MSI2: variants seen among roughly 807,000 people sequenced by gnomAD.
MSI2 encodes musashi RNA binding protein 2.
In MSI2, 17 loss-of-function variants were observed where a neutral mutation model predicts 45.6. The observed-to-expected ratio is 0.37, with a 90% CI of 0.26 to 0.56. The LOEUF is 0.56. MSI2 is among the 20% of genes least tolerant of loss of function. The pLI is 0.77. For missense variants in MSI2, 293 were observed against 444.2 expected (o/e 0.66, Z 3.06); for synonymous variants, 156 against 158.2 (o/e 0.99, Z 0.11).
At chr17:57,346,351 G>GC (rs1206602827) in intron 5 of MSI2, among the ~76,000 whole-genome samples, 4 of 145,032 alleles carry the variant, frequency 2.8e-5, no homozygotes, top group East Asian at 2.1e-4. Context: ...CACATTTTGG[G>GC]GGGGGGGGTC....
At chr17:57,491,249 G>T (rs1031325156) in intron 6 of MSI2, among the ~76,000 whole-genome samples, 2 of 152,196 alleles carry the variant, frequency 1.3e-5, no homozygotes. Flanking sequence ...CTCTGAGAGC[G>T]CAGTCAGGCA....
At chr17:57,519,461 T>A (rs2086539383) in intron 6 of MSI2, among the ~76,000 whole-genome samples, 1 of 152,290 alleles carries the variant, frequency 6.6e-6, no homozygotes, top group South Asian at 2.1e-4. Flanking sequence ...GAGCCTGGAC[T>A]GCGTTCCAGA....
At chr17:57,414,986 T>A (rs1413701807) in intron 6 of MSI2, among the ~76,000 whole-genome samples, 1 of 152,196 alleles carries the variant, frequency 6.6e-6, no homozygotes, top group African/African-American at 2.4e-5. Context: ...CTGTTTCATC[T>A]TCTCTCCTTC....
At chr17:57,484,338 A>G (rs2085709891) in intron 6 of MSI2, among the ~76,000 whole-genome samples, 1 of 152,120 alleles carries the variant, frequency 6.6e-6, no homozygotes, top group African/African-American at 2.4e-5. Context: ...CCTTCGGGGG[A>G]AATGCCAAGC....
At chr17:57,656,223 G>A (rs937283424) in intron 11 of MSI2, among the ~76,000 whole-genome samples, 12 of 152,020 alleles carry the variant, frequency 7.9e-5, no homozygotes, top group South Asian at 2.1e-4. Flanking sequence ...CACACTCCCC[G>A]TTCCCCCAGT....
At chr17:57,441,808 C>G (rs1047216396) in intron 6 of MSI2, among the ~76,000 whole-genome samples, 1 of 152,188 alleles carries the variant, frequency 6.6e-6, no homozygotes, top group African/African-American at 2.4e-5. Flanking sequence ...GCCTGGCACA[C>G]AGTAGGTGTG....
intron 10 of MSI2, among the ~76,000 whole-genome samples, 172 bp from the exon 11 acceptor site, chr17:57,651,927 G>A (rs1157162256): frequency 2.6e-5 from 4 of 152,186 alleles, no homozygotes; most frequent in Non-Finnish European, 4.4e-5. Context: ...TGTGCCTTCC[G>A]GAAGCCTGAC....
intron 4 of MSI2, among the ~76,000 whole-genome samples, chr17:57,258,947 A>ATT (rs34754540): frequency 4.4e-4 from 67 of 151,176 alleles, no homozygotes; most frequent in African/African-American, 1.6e-3. Context: ...TTTCAAAGTG[A>ATT]TTTTTTTTTC....
intron 7 of MSI2, among the ~76,000 whole-genome samples, chr17:57,550,176 G>C (rs1466016617): frequency 6.6e-6 from 1 of 152,190 alleles, no homozygotes; most frequent in Non-Finnish European, 1.5e-5. Flanking sequence ...AGTGCTATCA[G>C]TGCATGGGAG....
intron 12 of MSI2, among the ~76,000 whole-genome samples, chr17:57,675,560 C>T (rs530061884): frequency 1.3e-5 from 2 of 152,332 alleles, no homozygotes; most frequent in African/African-American, 2.4e-5. Context: ...TTTCTGGACA[C>T]TGTCATGTGG....
intron 6 of MSI2, among the ~76,000 whole-genome samples, chr17:57,444,304 G>T (rs1478604137): frequency 6.6e-6 from 1 of 151,902 alleles, no homozygotes; most frequent in Admixed American, 6.6e-5. Flanking sequence ...CACAGCACGG[G>T]CCAGGCACAG....
At chr17:57,663,433 GA>G (rs1447920821) in intron 11 of MSI2, among the ~76,000 whole-genome samples, 3 of 152,322 alleles carry the variant, frequency 2.0e-5, no homozygotes, top group Non-Finnish European at 2.9e-5. Context: ...GTGTAGCCGG[GA>G]AAGGCACCCC....
At chr17:57,517,104 G>A (rs57058501) in intron 6 of MSI2, among the ~76,000 whole-genome samples, 4,363 of 152,280 alleles carry the variant, frequency 0.029, 212 homozygotes, top group African/African-American at 0.099. Flanking sequence ...TTCAAAAGTA[G>A]CAAATTAGAA....
At chr17:57,590,233 T>G (rs955468429) in intron 7 of MSI2, among the ~76,000 whole-genome samples, 2 of 152,200 alleles carry the variant, frequency 1.3e-5, no homozygotes, top group Non-Finnish European at 2.9e-5. Flanking sequence ...CCATTAGTGT[T>G]CATTGACCTA....
At chr17:57,512,098 G>A (rs979716758) in intron 6 of MSI2, among the ~76,000 whole-genome samples, 1 of 152,192 alleles carries the variant, frequency 6.6e-6, no homozygotes, top group African/African-American at 2.4e-5. Context: ...TAAAAACTGG[G>A]CCTTGACAGA....
rs79843949 is a variant in MSI2, at chr17:57,619,400, C to G, written c.652+3316C>G. ...ATGCGTAACATGAATTGCACAGATG[C>G]CTGATGATCATCATAGAGTCTGGGG... On this transcript the variant is annotated intron_variant, in intron 9 of 13. Coordinates refer to ENST00000284073, the MANE Select transcript of MSI2 (RefSeq NM_138962.4). Among the ~76,000 whole-genome samples, 175 of 152,286 alleles carry G rather than the reference C, an allele frequency of 1.1e-3. 4 individuals are homozygous for G. The East Asian group carries it at 0.029, about 25-fold the overall frequency.
At chr17:57,507,760 C>T (rs926116708) in intron 6 of MSI2, among the ~76,000 whole-genome samples, 13 of 152,086 alleles carry the variant, frequency 8.5e-5, no homozygotes, top group African/African-American at 1.4e-4. Flanking sequence ...GACCATATGA[C>T]GTCCACTCCG....
chr17:57,276,665 G>A (rs996837844), intron 5 of MSI2, among the ~76,000 whole-genome samples: 4 of 152,190 alleles, frequency 2.6e-5, no homozygotes, highest in Admixed American at 6.5e-5. Context: ...GTTTCCCGGC[G>A]TGCTGCCGCT....
chr17:57,584,692 G>A (rs1441632703), intron 7 of MSI2, among the ~76,000 whole-genome samples: 1 of 152,164 alleles, frequency 6.6e-6, no homozygotes, highest in Non-Finnish European at 1.5e-5. Context: ...AGCATCTTAA[G>A]AAGGCTGCTG....
Sources: gnomAD v4.1 joint callset for allele counts (sites outside exome capture counted in the v4.1 genomes callset) on GRCh38, gnomAD v4.1.1 for gene constraint, MANE v1.5 for transcripts, NCBI Gene and HGNC (gene_info 2026-07-23, HGNC 2026-07-21) for gene names.